Variants in EPPK1 observed in about 807,000 individuals in gnomAD.
EPPK1 encodes epiplakin 1, also known as epiplakin.
For synonymous variants in EPPK1, 1,862 were observed against 1,721.2 expected (o/e 1.08, Z -2.03); for missense variants, 3,823 against 3,673.3 (o/e 1.04, Z -1.05).
At position 143,866,934 on chromosome 8, in the gene EPPK1, T is replaced by G; in HGVS notation, c.6320A>C (p.Gln2107Pro). ...DETRRALEAE[Q>P]VEITVGRFRG... Reference sequence around the variant, plus strand: ...GAACCTTCCCACTGTGATTTCCACTTGCTCTGCCTCCAGGGCCCTTCTCGT... The same window carrying G: ...GAACCTTCCCACTGTGATTTCCACTGGCTCTGCCTCCAGGGCCCTTCTCGT... Residue 2107 changes from glutamine (Q) to proline (P), a missense_variant, in exon 2 of 2, where the codon CAA (glutamine) becomes CCA (proline). Transcript: ENST00000615648. 8.1e-6 allele frequency: 13 copies of G among 1,612,978 alleles called. No homozygotes were observed. The highest frequency in any genetic ancestry group is 1.1e-5 in the Non-Finnish European group (13 of 1,179,870).
chr8:143,872,322 G>A lies in EPPK1; in HGVS notation c.932C>T (p.Pro311Leu). Residue 311 changes from proline to leucine, a missense_variant, in exon 2 of 2, where the codon CCA becomes CTA. Pro to Leu is a moderately conservative substitution (Grantham distance 98). Coordinates refer to ENST00000615648, the MANE Select transcript of EPPK1 (RefSeq NM_031308.4). ...TAGGAGTGGCAGCGCGGTGCCCATT[G>A]GGAGCAGGTGCTCGGTGGCAGCCTG... is the stretch of plus-strand genomic sequence containing the variant. ...FFQAATEHLLPMGTALPLLEA... is the reference protein window; with the variant it reads ...FFQAATEHLLLMGTALPLLEA... 2 of 1,603,772 alleles carry A rather than the reference G, an allele frequency of 1.2e-6. No homozygotes were observed. Among genetic ancestry groups the A allele is most frequent in the Non-Finnish European group, 1.7e-6 (2 of 1,175,220 alleles).
Position 143,868,471 on chromosome 8 carries a change from T to C in EPPK1, c.4783A>G (p.Ile1595Val). The change falls in exon 2 of 2, where the codon ATC (isoleucine) becomes GTC (valine). Residue 1595 changes from isoleucine to valine, a missense_variant. Transcript: ENST00000615648. ...ACCAGGGCTGTGCCAGGCCGCAGGA[T>C]GTGCCTCCTCAGGGCCTCTGGGATG... ...MSIPEALRRH[I>V]LRPGTALVLL... is the part of the protein sequence containing the mutation. 2 of 1,612,350 alleles carry C rather than the reference T, an allele frequency of 1.2e-6. No homozygotes were observed. The highest frequency in any genetic ancestry group is 1.7e-6 in the Non-Finnish European group (2 of 1,179,722).
rs1333611988 is a variant in EPPK1, at chr8:143,870,836, C to T, written c.2418G>A (p.Val806=). The change falls in exon 2 of 2, where the codon GTG becomes GTA. Residue 806 remains valine, a synonymous_variant. Transcript: ENST00000615648. The surrounding 1 kb of genome is among the most constrained non-coding windows in gnomAD (Gnocchi z 5.2). Reference sequence around the variant, plus strand: ...GGAAGGCCTGCTGGGTGGCACTGTCCACCAGCGGGGACTGCGTGCTGCTGA... The same window carrying T: ...GGAAGGCCTGCTGGGTGGCACTGTCTACCAGCGGGGACTGCGTGCTGCTGA... The part of the protein sequence containing the change: ...LPLSSTQSPL[V]DSATQQAFQN... 17 of 1,612,742 alleles carry T rather than the reference C, an allele frequency of 1.1e-5. No homozygotes were observed. The highest frequency in any genetic ancestry group is 1.4e-5 in the Non-Finnish European group (16 of 1,179,898).
At position 143,866,791 on chromosome 8, in the gene EPPK1, C is replaced by T. The variant is rs148527079; in HGVS notation, c.6463G>A (p.Ala2155Thr). The T allele has an allele frequency of 3.3e-3, 5,337 of 1,613,476 alleles. 192 individuals carry two copies. In the Admixed American group the frequency reaches 0.069, roughly 21 times the overall value. Reference sequence around the variant, plus strand: ...TCGATCAACTCTAAGATGAGCTGCGCTACCGTCTGCAGTGCCCGTCTGGTG... The same window carrying T: ...TCGATCAACTCTAAGATGAGCTGCGTTACCGTCTGCAGTGCCCGTCTGGTG... ...THTRRALQTVAQLILELIEKQ... is the reference protein window; with the variant it reads ...THTRRALQTVTQLILELIEKQ... The change falls in exon 2 of 2, where the codon GCG becomes ACG. Residue 2155 changes from alanine (A) to threonine (T), a missense_variant. Transcript: ENST00000615648.
In EPPK1 at chr8:143,870,179, G is replaced by A. The variant is rs1554660653; in HGVS notation, c.3075C>T (p.Ala1025=). ...CCCAAGGGATGAGACCTTTCTTCAT[G>A]GCCTGGAACACAGACACCTGCTTCC... ...FSGKQVSVFQ[A]MKKGLIPWEQ... Residue 1025 remains alanine, a synonymous_variant, in exon 2 of 2, where the codon GCC becomes GCT. Coordinates refer to ENST00000615648, the MANE Select transcript of EPPK1 (RefSeq NM_031308.4). This position sits in a 1 kb window ranked among gnomAD's most constrained non-coding sequence, Gnocchi z 5.2. 2.5e-6 allele frequency: 4 copies of A among 1,611,800 alleles called. No individual in the cohort carries two copies. Among genetic ancestry groups the A allele is most frequent in the South Asian group, 1.1e-5 (1 of 90,892 alleles).
intron 1 of EPPK1, among the ~76,000 whole-genome samples, chr8:143,874,808 G>C (rs1403068332): frequency 6.6e-6 from 1 of 151,936 alleles, no homozygotes; most frequent in Non-Finnish European, 1.5e-5. Context: ...TCAGCAGCCT[G>C]TCCATGACAA....
At position 143,857,896 on chromosome 8, in the gene EPPK1, C is replaced by CAAAAAAAAAAAAAAAAAAAAAAA. The variant is rs35186960; in HGVS notation, c.*68_*90dup. ...GTAAAACAACAAAATTAAAGAATGA[C>CAAAAAAAAAAAAAAAAAAAAAAA]AAAAAAAAAAAAAAAAAAAAAAACA... On this transcript the variant is annotated 3_prime_UTR_variant, in exon 2 of 2. Transcript: ENST00000615648. 4.6e-6 allele frequency: 2 copies of CAAAAAAAAAAAAAAAAAAAAAAA among 437,916 alleles called. No individual in the cohort carries two copies. The highest frequency in any genetic ancestry group is 3.4e-5 in the African/African-American group (1 of 29,402). 27.1% of individuals were successfully genotyped at this position (437,916 alleles called of 1,614,324 possible).
At position 143,857,889 on chromosome 8, in the gene EPPK1, A is replaced by G; in HGVS notation, c.*98T>C. On this transcript the variant is annotated 3_prime_UTR_variant, in exon 2 of 2. Transcript: ENST00000615648. ...CGAATGGGTAAAACAACAAAATTAA[A>G]GAATGACAAAAAAAAAAAAAAAAAA... 1 of 883,786 alleles carries G rather than the reference A, an allele frequency of 1.1e-6. No homozygotes were observed. Among genetic ancestry groups the G allele is most frequent in the Non-Finnish European group, 1.6e-6 (1 of 612,222 alleles). 54.7% of individuals were successfully genotyped at this position (883,786 alleles called of 1,614,324 possible).
At position 143,871,995 on chromosome 8, in the gene EPPK1, C is replaced by T. The variant is rs782461314; in HGVS notation, c.1259G>A (p.Arg420His). ...RLRLPLEAAL[R>H]CGCLDEDTQR... ...AGTGTCTTCATCCAGGCAGCCGCAG[C>T]GCAGGGCGGCCTCCAGGGGCAGCCG... Residue 420 changes from arginine (R) to histidine (H), a missense_variant, in exon 2 of 2, where the codon CGC becomes CAC. Physicochemically the swap from Arg to His is conservative, Grantham distance 29. Transcript: ENST00000615648. 9.5e-6 allele frequency: 15 copies of T among 1,581,932 alleles called. No homozygotes were observed. Among genetic ancestry groups the T allele is most frequent in the African/African-American group, 1.3e-5 (1 of 74,408 alleles).
chr8:143,867,817 G>A lies in EPPK1; in HGVS notation c.5437C>T (p.Leu1813Phe). The part of the protein sequence containing the change: ...PYFTEDRKRE[L>F]IQEYGAQSGG... ...CTCTGGGCTCCATACTCCTGGATGA[G>A]CTCCCGCTTCCTGTCCTCTGTGAAG... is the stretch of plus-strand genomic sequence containing the variant. The change falls in exon 2 of 2, where the codon CTC becomes TTC. Residue 1813 changes from leucine to phenylalanine, a missense_variant. Coordinates refer to ENST00000615648, the MANE Select transcript of EPPK1 (RefSeq NM_031308.4). The A allele has an allele frequency of 6.2e-7, 1 of 1,613,596 alleles. No individual in the cohort carries two copies. The highest frequency in any genetic ancestry group is 8.5e-7 in the Non-Finnish European group (1 of 1,179,864).
upstream of EPPK1, among the ~76,000 whole-genome samples, chr8:143,879,080 C>T (rs1819547813): frequency 6.6e-6 from 1 of 152,220 alleles, no homozygotes; most frequent in Admixed American, 6.5e-5. Context: ...CCCATCCTGG[C>T]ACCCACCTTC....
In EPPK1 at chr8:143,866,347, CCGACAGCAG is replaced by C; in HGVS notation, c.6898_6906del (p.Leu2300_Ser2302del). On this transcript the variant is annotated inframe_deletion, in exon 2 of 2. Coordinates refer to ENST00000615648, the MANE Select transcript of EPPK1 (RefSeq NM_031308.4). ...GTGTAGCCGGTGACGGCGCGCTCGG[CCGACAGCAG>C]CTTCTCCTGGATCTCGCCGCCCACC... 1 of 676,094 alleles carries C rather than the reference CCGACAGCAG, an allele frequency of 1.5e-6. No homozygotes were observed. Among genetic ancestry groups the C allele is most frequent in the East Asian group, 2.8e-5 (1 of 35,232 alleles). The allele number at this position is 676,094 out of a possible 1,614,324, so 41.9% of individuals were successfully genotyped here.
rs1554657879 is a variant in EPPK1, at chr8:143,857,996, A to G, written c.15258T>C (p.Ser5086=). 6 of 1,602,234 alleles carry G rather than the reference A, an allele frequency of 3.7e-6. No individual in the cohort carries two copies. Among genetic ancestry groups the G allele is most frequent in the East Asian group, 2.2e-5 (1 of 44,706 alleles). The change falls in exon 2 of 2, where the codon TCT becomes TCC. Residue 5086 remains serine, a synonymous_variant. Transcript: ENST00000615648. ...CACGGAGGAAGCCCAGTCACTGTAG[A>G]GAGAGAGAAAGAAATAGGAGCCCCG... ...PETGLLFLSL[S]LQ is the part of the protein sequence containing the mutation.
Position 143,857,473 on chromosome 8 carries a change from G to T in EPPK1, c.*514C>A. On this transcript the variant is annotated 3_prime_UTR_variant, in exon 2 of 2. Transcript: ENST00000615648. ...TGGAGAGAATAAAGCCCATGCTTTT[G>T]GCCAGCACAGCAGCCAGGGAAAGCC... 6.4e-6 allele frequency: 1 copy of T among 155,054 alleles called. No homozygotes were observed. The highest frequency in any genetic ancestry group is 1.4e-5 in the Non-Finnish European group (1 of 70,054). The allele number at this position is 155,054 out of a possible 1,614,324, so 9.6% of individuals were successfully genotyped here.
rs782655371 is a variant in EPPK1 at position 143,867,641 on chromosome 8, G to C, written c.5613C>G (p.His1871Gln). The C allele has an allele frequency of 6.2e-7, 1 of 1,613,368 alleles. No individual in the cohort carries two copies. The highest frequency in any genetic ancestry group is 1.1e-5 in the South Asian group (1 of 91,082). The part of the protein sequence containing the change: ...NSRVIDQKTL[H>Q]TLRVGRTGGQ... The stretch of plus-strand genomic sequence containing the variant: ...CCCCAGTCCTCCCCACACGAAGTGT[G>C]TGCAGGGTCTTCTGATCGATGACCC... The change falls in exon 2 of 2, where the codon CAC becomes CAG. Residue 1871 changes from histidine to glutamine, a missense_variant. Coordinates refer to ENST00000615648, the MANE Select transcript of EPPK1 (RefSeq NM_031308.4).
Position 143,871,842 on chromosome 8 carries a change from C to T in EPPK1, c.1412G>A (p.Gly471Glu). 12 of 1,612,306 alleles carry T rather than the reference C, an allele frequency of 7.4e-6. No homozygotes were observed. The highest frequency in any genetic ancestry group is 1.0e-5 in the Non-Finnish European group (12 of 1,179,842). Reference protein sequence around the residue: ...TGLAFLPLSGGPRGGEPQGPP... With the variant: ...TGLAFLPLSGEPRGGEPQGPP... ...TCCCTGGGGCTCCCCTCCCCGGGGT[C>T]CCCCTGAGAGTGGCAGGAAGGCAAG... is the stretch of plus-strand genomic sequence containing the variant. The change falls in exon 2 of 2, where the codon GGA becomes GAA. Residue 471 changes from glycine to glutamate, a missense_variant. Coordinates refer to ENST00000615648, the MANE Select transcript of EPPK1 (RefSeq NM_031308.4).
rs1174113496 is a variant in EPPK1 at position 143,859,347 on chromosome 8, CGGGCCTGGGCCT to C, written c.13895_13906del (p.Gln4632_Ala4635del). ...CCCGGCCTCGGCCTCGGCCTCGGCC[CGGGCCTGGGCCT>C]GGGCCTGGGCCAGCAGCGAGGTGAG... On this transcript the variant is annotated inframe_deletion, in exon 2 of 2. Transcript: ENST00000615648. The C allele has an allele frequency of 2.0e-4, 59 of 289,690 alleles. 3 individuals carry two copies. Among genetic ancestry groups the C allele is most frequent in the African/African-American group, 5.5e-4 (16 of 29,262 alleles). The allele number at this position is 289,690 out of a possible 1,614,324, so 17.9% of individuals were successfully genotyped here.
Position 143,868,040 on chromosome 8 carries a change from C to A in EPPK1, c.5214G>T (p.Thr1738=). 5 of 1,613,696 alleles carry A rather than the reference C, an allele frequency of 3.1e-6. No individual in the cohort carries two copies. The highest frequency in any genetic ancestry group is 4.2e-6 in the Non-Finnish European group (5 of 1,180,028). Residue 1738 remains threonine (T), a synonymous_variant, in exon 2 of 2, where the codon ACG becomes ACT. Transcript: ENST00000615648. ...FFDPNTHENL[T]YLQLLERCVE... ...CACAGCGCTCCAGAAGCTGCAGGTA[C>A]GTGAGGTTCTCGTGCGTGTTGGGGT...
chr8:143,869,091 T>A lies in EPPK1; in HGVS notation c.4163A>T (p.Gln1388Leu), dbSNP rs1554660214. 6 of 1,607,452 alleles carry A rather than the reference T, an allele frequency of 3.7e-6. No individual in the cohort carries two copies. In the South Asian group the frequency reaches 6.6e-5, roughly 18 times the overall value. Residue 1388 changes from glutamine (Q) to leucine (L), a missense_variant, in exon 2 of 2, where the codon CAG becomes CTG. Coordinates refer to ENST00000615648, the MANE Select transcript of EPPK1 (RefSeq NM_031308.4). ...AACTGCAGTCAGCACCTGGCTCGTC[T>A]GTGTGTCCAGAAGGCCGAGTCTGCA... ...AACRLGLLDT[Q>L]TSQVLTAVDK...
Sources: gnomAD v4.1 joint callset for allele counts (sites outside exome capture counted in the v4.1 genomes callset) on GRCh38, gnomAD v4.1.1 for gene constraint, Gnocchi (gnomAD v3.1) non-coding constraint, MANE v1.5 for transcripts, NCBI Gene and HGNC (gene_info 2026-07-23, HGNC 2026-07-21) for gene names.